The following TMEM135 variants were observed in gnomAD, a reference collection of about 807,000 sequenced individuals.
TMEM135 encodes peroxisomal membrane protein 52.
Under a neutral mutation model 60.3 loss-of-function variants are expected in TMEM135, and 30 were observed. That is an observed-to-expected ratio of 0.50 (90% CI 0.37 to 0.68). The LOEUF (loss-of-function observed/expected upper bound fraction) is 0.68. TMEM135 is among the 30% of genes least tolerant of loss of function. The probability of loss-of-function intolerance (pLI) is 0.00; values close to 1 mark genes in which losing one functional copy is unlikely to be tolerated. For missense variants in TMEM135, 468 were observed against 548.8 expected, an observed-to-expected ratio of 0.85 and a Z score of 1.47; for synonymous variants, 190 against 186.7, an observed-to-expected ratio of 1.02 and a Z score of -0.14.
At chr11:87,147,904 C>T (rs1371492419) in intron 4 of TMEM135, among the ~76,000 whole-genome samples, 4 of 152,246 alleles carry the variant, frequency 2.6e-5, no homozygotes, top group East Asian at 1.9e-4. Context: ...ACTACAGGCA[C>T]GCACCACCAT....
chr11:87,189,133 TC>T (rs1939728303), intron 5 of TMEM135, among the ~76,000 whole-genome samples: 1 of 151,506 alleles, frequency 6.6e-6, no homozygotes, highest in East Asian at 1.9e-4. Context: ...CTTTCCCTTT[TC>T]CTTTCCCTTT....
At chr11:87,307,485 G>C (rs1942571074) in intron 9 of TMEM135, among the ~76,000 whole-genome samples, 1 of 151,912 alleles carries the variant, frequency 6.6e-6, no homozygotes. Flanking sequence ...GAAAACTTTA[G>C]ATGGGGAACT....
At chr11:87,273,832 A>T (rs12295149) in intron 6 of TMEM135, among the ~76,000 whole-genome samples, 4 of 152,038 alleles carry the variant, frequency 2.6e-5, no homozygotes, top group Non-Finnish European at 5.9e-5. Context: ...AGTAACAGGC[A>T]TATTAAATAA....
chr11:87,141,036 CTT>C (rs1405557589), intron 4 of TMEM135, among the ~76,000 whole-genome samples: 1 of 104,122 alleles, frequency 9.6e-6, no homozygotes, highest in East Asian at 3.7e-4. Context: ...AGTCTGCCAA[CTT>C]TGTTCTTTTT....
chr11:87,078,879 C>A (rs906720849), intron 3 of TMEM135, among the ~76,000 whole-genome samples: 6 of 152,146 alleles, frequency 3.9e-5, no homozygotes, highest in Non-Finnish European at 2.9e-5. Context: ...GCTTCCACCT[C>A]CCAAAGTACT....
At chr11:87,282,379 C>A (rs1304856607) in intron 6 of TMEM135, among the ~76,000 whole-genome samples, 6 of 152,068 alleles carry the variant, frequency 3.9e-5, no homozygotes, top group Admixed American at 3.9e-4. Context: ...ATTCTCCTGT[C>A]CCAGCCTCCC....
chr11:87,234,315 A>G (rs1182049548), intron 5 of TMEM135, among the ~76,000 whole-genome samples: 1 of 152,100 alleles, frequency 6.6e-6, no homozygotes, highest in East Asian at 1.9e-4. Context: ...CCTGGCTAGA[A>G]GATAAGTTCC....
chr11:87,091,764 G>A (rs543192022), intron 4 of TMEM135, among the ~76,000 whole-genome samples: 90 of 152,060 alleles, frequency 5.9e-4, no homozygotes, highest in Middle Eastern at 3.4e-3. Flanking sequence ...AATGATATAA[G>A]GATGGGTTTT....
intron 5 of TMEM135, among the ~76,000 whole-genome samples, chr11:87,196,550 T>TG (rs1335645260): frequency 2.0e-5 from 3 of 152,168 alleles, no homozygotes; most frequent in African/African-American, 7.2e-5. Flanking sequence ...GGCAGTAGAC[T>TG]GTTTTCTTTT....
At chr11:87,163,205 A>G (rs988962872) in intron 5 of TMEM135, among the ~76,000 whole-genome samples, 1 of 111,218 alleles carries the variant, frequency 9.0e-6, no homozygotes, top group African/African-American at 3.5e-5. Context: ...ACCCCACCAC[A>G]GTCCCCGGAG....
At chr11:87,189,115 TCCTTTC>T (rs1372755712) in intron 5 of TMEM135, among the ~76,000 whole-genome samples, 4 of 151,790 alleles carry the variant, frequency 2.6e-5, no homozygotes, top group Admixed American at 1.3e-4. Context: ...CTTTTCCTTT[TCCTTTC>T]CCTTTCCCTT....
intron 4 of TMEM135, among the ~76,000 whole-genome samples, chr11:87,115,984 A>G (rs960448184): frequency 3.9e-5 from 6 of 152,108 alleles, no homozygotes; most frequent in Admixed American, 3.9e-4. Flanking sequence ...TTTTAAGAAT[A>G]TAGATTAATG....
intron 9 of TMEM135, among the ~76,000 whole-genome samples, chr11:87,308,364 A>G (rs946551553): frequency 5.3e-5 from 8 of 152,204 alleles, no homozygotes; most frequent in Admixed American, 5.2e-4. Flanking sequence ...TGACCATTTC[A>G]TTCATTTAAA....
chr11:87,186,031 C>T (rs796799662), intron 5 of TMEM135, among the ~76,000 whole-genome samples: 3 of 151,862 alleles, frequency 2.0e-5, no homozygotes, highest in South Asian at 4.2e-4. Context: ...CTCAGCCTCC[C>T]GAGTAGCTGG....
intron 5 of TMEM135, among the ~76,000 whole-genome samples, chr11:87,203,362 TCC>T (rs1940163257): frequency 6.6e-6 from 1 of 152,148 alleles, no homozygotes; most frequent in Non-Finnish European, 1.5e-5. Flanking sequence ...CCTCTATTCA[TCC>T]TTTAACCCCC....
At chr11:87,105,414 A>G (rs961568617) in intron 4 of TMEM135, among the ~76,000 whole-genome samples, 29 of 152,192 alleles carry the variant, frequency 1.9e-4, no homozygotes, top group Non-Finnish European at 2.9e-5. Context: ...GAGGTGGAAC[A>G]GTTTCATCCT....
At chr11:87,126,308 T>C (rs1228592431) in intron 4 of TMEM135, among the ~76,000 whole-genome samples, 2 of 152,192 alleles carry the variant, frequency 1.3e-5, no homozygotes, top group African/African-American at 4.8e-5. Flanking sequence ...CATACTATTA[T>C]GCCTGTGTGC....
Position 87,325,754 on chromosome 11 carries a change from T to C in TMEM135, c.*4421T>C, listed in dbSNP as rs1565174811. ...TTAGGCAGGATGATGTAGAAGATAA[T>C]TGCACAGATATGGAAGGAGATGTTT... On this transcript the variant is annotated 3_prime_UTR_variant, in exon 15 of 15. Transcript: ENST00000305494. 2 of 453,974 alleles carry C rather than the reference T, an allele frequency of 4.4e-6. No individual in the cohort carries two copies. Among genetic ancestry groups the C allele is most frequent in the Non-Finnish European group, 8.8e-6 (2 of 226,758 alleles). The allele number at this position is 453,974 out of a possible 1,614,324, so 28.1% of individuals were successfully genotyped here.
chr11:87,177,086 G>A (rs1245650783), intron 5 of TMEM135, among the ~76,000 whole-genome samples: 1 of 152,146 alleles, frequency 6.6e-6, no homozygotes, highest in South Asian at 2.1e-4. Context: ...CAGAATCACA[G>A]TTGACCGTAA....
Sources: gnomAD v4.1 joint callset for allele counts (sites outside exome capture counted in the v4.1 genomes callset) on GRCh38, gnomAD v4.1.1 for gene constraint, MANE v1.5 for transcripts, NCBI Gene and HGNC (gene_info 2026-07-23, HGNC 2026-07-21) for gene names.